EXOC6: variants seen among roughly 807,000 people sequenced by gnomAD.
The protein encoded by EXOC6 is SEC15-like 1.
EXOC6 carries 60 observed loss-of-function variants against 112.5 expected under a neutral mutation model. That is an observed-to-expected ratio of 0.53 (90% CI 0.43 to 0.66). EXOC6 has a LOEUF of 0.66. EXOC6 is among the 30% of genes least tolerant of loss of function. The pLI is 0.00. For synonymous variants in EXOC6, 295 were observed against 308.0 expected (o/e 0.96, Z 0.44); for missense variants, 855 against 957.1 (o/e 0.89, Z 1.41).
chr10:92,911,929 C>CG (rs1564823529), intron 6 of EXOC6, among the ~76,000 whole-genome samples: 19 of 71,954 alleles, frequency 2.6e-4, no homozygotes, highest in African/African-American at 8.6e-4. Flanking sequence ...CTCTCTCTCT[C>CG]TCTGTGTGCG....
At chr10:92,935,213 G>A (rs1422471035) in intron 11 of EXOC6, among the ~76,000 whole-genome samples, 1 of 151,722 alleles carries the variant, frequency 6.6e-6, no homozygotes, top group Non-Finnish European at 1.5e-5. Context: ...ACTTTTCCTA[G>A]CATATTAATA....
chr10:92,991,837 C>T (rs112199985), intron 18 of EXOC6, among the ~76,000 whole-genome samples: 2 of 151,978 alleles, frequency 1.3e-5, no homozygotes, highest in African/African-American at 4.8e-5. Flanking sequence ...GGAGAACAAC[C>T]TGAGAGGGGA....
chr10:92,833,381 G>C (rs1422637309), upstream of EXOC6, among the ~76,000 whole-genome samples: 2 of 152,198 alleles, frequency 1.3e-5, no homozygotes, highest in Non-Finnish European at 2.9e-5. Flanking sequence ...TGGCAGAGGT[G>C]CAAGAGGACA....
intron 13 of EXOC6, among the ~76,000 whole-genome samples, chr10:92,943,320 C>T (rs1376411680): frequency 6.6e-6 from 1 of 152,044 alleles, no homozygotes; most frequent in Non-Finnish European, 1.5e-5. Context: ...TCCTGGCCAC[C>T]TAAATTTTTA....
chr10:92,866,450 C>T (rs1213381692), intron 1 of EXOC6, among the ~76,000 whole-genome samples: 1 of 152,060 alleles, frequency 6.6e-6, no homozygotes, highest in Non-Finnish European at 1.5e-5. Flanking sequence ...CTTAATTGTG[C>T]TTAGTAATCA....
In EXOC6 at chr10:92,974,232, T is replaced by A. The variant is rs759605923; in HGVS notation, c.1953T>A (p.Pro651=). Residue 651 remains proline, a splice_region_variant and synonymous_variant, in exon 18 of 22, where the codon CCT becomes CCA. Transcript: ENST00000260762. ...RSIFQVFTHL[P]GKVAQTACMS... Reference sequence around the variant, plus strand: ...TCTTTCAAGTGTTTACTCATTTGCCTGTAAGTATAAAAATTTTCAAAAATT... The same window carrying A: ...TCTTTCAAGTGTTTACTCATTTGCCAGTAAGTATAAAAATTTTCAAAAATT... 6.5e-7 allele frequency: 1 copy of A among 1,536,852 alleles called. No individual in the cohort carries two copies. Among genetic ancestry groups the A allele is most frequent in the South Asian group, 1.3e-5 (1 of 78,204 alleles).
At chr10:92,976,437 T>C (rs550059897) in intron 18 of EXOC6, among the ~76,000 whole-genome samples, 1 of 152,120 alleles carries the variant, frequency 6.6e-6, no homozygotes, top group African/African-American at 2.4e-5. Context: ...GTGCAAGATG[T>C]GCTTTGTTAA....
At chr10:92,877,293 CT>C (rs140421400) in intron 1 of EXOC6, among the ~76,000 whole-genome samples, 3,363 of 150,040 alleles carry the variant, frequency 0.022, 58 homozygotes, top group African/African-American at 0.042. Flanking sequence ...CTCCTTTTAT[CT>C]TTTTTTTTTC....
At chr10:93,024,688 G>A (rs537054799) in intron 20 of EXOC6, among the ~76,000 whole-genome samples, 1 of 152,126 alleles carries the variant, frequency 6.6e-6, no homozygotes, top group Non-Finnish European at 1.5e-5. Flanking sequence ...AAAGTCCTGG[G>A]ATTACAGGTG....
intron 12 of EXOC6, among the ~76,000 whole-genome samples, chr10:92,938,404 A>G (rs1852474351): frequency 6.6e-6 from 1 of 152,136 alleles, no homozygotes; most frequent in African/African-American, 2.4e-5. Context: ...TTTTAAATTT[A>G]TAACTATTAA....
intron 1 of EXOC6, among the ~76,000 whole-genome samples, chr10:92,827,591 C>T (rs1846408318): frequency 1.4e-5 from 2 of 146,722 alleles, no homozygotes; most frequent in Admixed American, 1.4e-4. Context: ...CTTACACTAT[C>T]AGATTTGTAT....
At chr10:92,894,717 T>C in intron 2 of EXOC6, 77 bp from the exon 3 acceptor site, 2 of 1,106,594 alleles carry the variant, frequency 1.8e-6, no homozygotes, top group Non-Finnish European at 2.7e-6. Flanking sequence ...AAGCATGATC[T>C]GATTACAAGG....
At chr10:92,922,025 A>C (rs1391996423) in intron 8 of EXOC6, among the ~76,000 whole-genome samples, 1 of 151,958 alleles carries the variant, frequency 6.6e-6, no homozygotes, top group East Asian at 1.9e-4. Context: ...GGCTCACTAC[A>C]ACCTGCGCCT....
chr10:93,054,036 C>CTAT (rs1846429350), intron 20 of EXOC6, among the ~76,000 whole-genome samples: 2 of 152,184 alleles, frequency 1.3e-5, no homozygotes, highest in South Asian at 4.1e-4. Flanking sequence ...TCACCAGCTT[C>CTAT]TATATAAGTT....
intron 13 of EXOC6, among the ~76,000 whole-genome samples, chr10:92,941,487 T>A (rs1288914823): frequency 6.6e-6 from 1 of 152,200 alleles, no homozygotes. Flanking sequence ...ATATCTTTAA[T>A]TTTTTGAGGA....
chr10:92,969,646 G>A (rs761699300), intron 17 of EXOC6, among the ~76,000 whole-genome samples: 1 of 151,704 alleles, frequency 6.6e-6, no homozygotes, highest in Non-Finnish European at 1.5e-5. Context: ...GTATTAATTT[G>A]TGCATGTTTA....
intron 20 of EXOC6, among the ~76,000 whole-genome samples, chr10:93,022,789 G>GT (rs35909001): frequency 3.3e-5 from 5 of 149,446 alleles, no homozygotes; most frequent in Admixed American, 6.7e-5. Flanking sequence ...GGTGATAAAA[G>GT]TTTTTTTTTT....
chr10:92,940,198 A>G (rs1279476244), intron 12 of EXOC6, among the ~76,000 whole-genome samples: 1 of 152,138 alleles, frequency 6.6e-6, no homozygotes, highest in Non-Finnish European at 1.5e-5. Context: ...GTGAGAGAGA[A>G]TGTTTGGTCC....
chr10:92,971,196 C>T (rs1036133246), intron 17 of EXOC6, among the ~76,000 whole-genome samples: 20 of 151,904 alleles, frequency 1.3e-4, no homozygotes, highest in Admixed American at 6.5e-4. Flanking sequence ...GGACTACAGG[C>T]GCAGGCCTGG....
Sources: allele counts gnomAD v4.1 joint callset (sites outside exome capture counted in the v4.1 genomes callset), GRCh38; gene constraint gnomAD v4.1.1; transcripts MANE v1.5; gene names NCBI Gene and HGNC (gene_info 2026-07-23, HGNC 2026-07-21).